The following STRN4 variants were observed in gnomAD, a reference collection of about 807,000 sequenced individuals.
STRN4 encodes striatin 4.
Under a neutral mutation model 77.9 loss-of-function variants are expected in STRN4, and 27 were observed. The ratio of observed to expected loss-of-function variants is 0.35; its 90% CI spans 0.26 to 0.48. The LOEUF (loss-of-function observed/expected upper bound fraction) is 0.48, where lower values mean the gene tolerates loss of function less well. Ranked by LOEUF, STRN4 falls within the 20% of genes least tolerant of loss-of-function variation. The pLI, the probability that STRN4 is intolerant of heterozygous loss-of-function variation, is 0.99. For missense variants in STRN4, 798 were observed against 1,049.7 expected (o/e 0.76, Z 3.31); for synonymous variants, 466 against 443.1 (o/e 1.05, Z -0.65).
In STRN4 at chr19:46,728,765, C is replaced by G; in HGVS notation, c.892G>C (p.Ala298Pro). The G allele has an allele frequency of 6.2e-7, 1 of 1,614,146 alleles. No homozygotes were observed. The highest frequency in any genetic ancestry group is 8.5e-7 in the Non-Finnish European group (1 of 1,179,972). The change falls in exon 7 of 18, where the codon GCT (alanine) becomes CCT (proline). Residue 298 changes from alanine (A) to proline (P), a missense_variant. This residue lies in a region of STRN4 where 511 missense variants were observed against 575.9 expected (regional missense o/e 0.89). Transcript: ENST00000263280. ...TCGTCTTCCATTTCGGGCACCAGAG[C>G]CTTGGATGGGAGCTGGCACATGGAG... ...KKQRVKLPSK[A>P]LVPEMEDEDE...
At chr19:46,735,691 G>A (rs576519439) in intron 4 of STRN4, among the ~76,000 whole-genome samples, 6 of 152,298 alleles carry the variant, frequency 3.9e-5, no homozygotes, top group East Asian at 1.9e-4. Context: ...GAGGCTGGGC[G>A]CGGTGGCTCA....
intron 1 of STRN4, chr19:46,745,844 A>G (rs1713070678): frequency 7.2e-6 from 2 of 278,356 alleles, no homozygotes; most frequent in South Asian, 1.5e-4. Flanking sequence ...TCCCAGTCCC[A>G]GTCCCACTCC....
Position 46,733,151 on chromosome 19 carries a change from G to T in STRN4, c.625C>A (p.Leu209Ile). ...VRSLLGRSLE[L>I]NGAVEPSEGA... ...TCACTCGGCTCCACTGCCCCGTTGA[G>T]CTCCAGCGAGCGGCCCAGCAGGGAA... Residue 209 changes from leucine to isoleucine, a missense_variant, in exon 5 of 18, where the codon CTC (leucine) becomes ATC (isoleucine). By Grantham distance (5) the Leu-to-Ile change is conservative (BLOSUM62 2). Transcript: ENST00000263280. This position sits in a 1 kb window ranked among gnomAD's most constrained non-coding sequence, Gnocchi z 4.3. 1 of 1,612,094 alleles carries T rather than the reference G, an allele frequency of 6.2e-7. No homozygotes were observed.
chr19:46,738,717 T>C lies in STRN4; in HGVS notation c.386+68A>G. 6.9e-7 allele frequency: 1 copy of C among 1,458,516 alleles called. No homozygotes were observed. The highest frequency in any genetic ancestry group is 9.6e-7 in the Non-Finnish European group (1 of 1,040,176). 90.3% of individuals were successfully genotyped at this position (1,458,516 alleles called of 1,614,324 possible). On this transcript the variant is annotated intron_variant, in intron 2 of 17. Coordinates refer to ENST00000263280, the MANE Select transcript of STRN4 (RefSeq NM_013403.3). The surrounding 1 kb of genome is among the most constrained non-coding windows in gnomAD (Gnocchi z 4.5). ...TCCCTTAGCTGGAAGGAGGCGTGGC[T>C]GGTGGCCTCCTGACACTGTGCTTGA...
chr19:46,724,884 CAGTATT>C lies in STRN4; in HGVS notation c.1511_1516del (p.Glu504_Cys506delinsGly). On this transcript the variant is annotated inframe_deletion, in exon 12 of 18. Coordinates refer to ENST00000263280, the MANE Select transcript of STRN4 (RefSeq NM_013403.3). The stretch of plus-strand genomic sequence containing the variant: ...GCAGGCATCTGCCCCGCCACTGTAG[CAGTATT>C]CACTGTTGCTGCCCATAGCCACAGC... 6.2e-7 allele frequency: 1 copy of C among 1,614,094 alleles called. No individual in the cohort carries two copies. The highest frequency in any genetic ancestry group is 8.5e-7 in the Non-Finnish European group (1 of 1,180,042).
chr19:46,733,010 A>G lies in STRN4; in HGVS notation c.737+29T>C. 1 of 1,590,030 alleles carries G rather than the reference A, an allele frequency of 6.3e-7. No individual in the cohort carries two copies. Among genetic ancestry groups the G allele is most frequent in the Non-Finnish European group, 8.6e-7 (1 of 1,162,960 alleles). On this transcript the variant is annotated intron_variant, in intron 5 of 17. Coordinates refer to ENST00000263280, the MANE Select transcript of STRN4 (RefSeq NM_013403.3). The surrounding 1 kb of genome is among the most constrained non-coding windows in gnomAD (Gnocchi z 4.3). ...TCACCAGCAGTCAGGAGGAACAGAG[A>G]GACACACCTGCCATGTCCACGGGCT...
At chr19:46,742,552 CT>C (rs373677362) in intron 1 of STRN4, among the ~76,000 whole-genome samples, 1 of 152,088 alleles carries the variant, frequency 6.6e-6, no homozygotes. Context: ...GAGTCATTCA[CT>C]GTTTCTTTTT....
chr19:46,724,239 CTCTT>C, intron 12 of STRN4, among the ~76,000 whole-genome samples: 1 of 90,358 alleles, frequency 1.1e-5, no homozygotes, highest in South Asian at 3.4e-4. Context: ...CAGAGTGAGA[CTCTT>C]TGTCTCAAAA....
Position 46,741,333 on chromosome 19 carries a change from C to T in STRN4, c.283-2445G>A, listed in dbSNP as rs1361181214. ...CACTGGCTGGGTTCCCCCTTCATCC[C>T]TCTGCTGCCTCATCGAGCTGTGGTC... On this transcript the variant is annotated intron_variant, in intron 1 of 17. Coordinates refer to ENST00000263280, the MANE Select transcript of STRN4 (RefSeq NM_013403.3). This position sits in a 1 kb window ranked among gnomAD's most constrained non-coding sequence, Gnocchi z 4.9. 6.6e-6 allele frequency among the ~76,000 whole-genome samples: 1 copy of T among 152,222 alleles called. No individual in the cohort carries two copies. The highest frequency in any genetic ancestry group is 1.5e-5 in the Non-Finnish European group (1 of 68,028).
chr19:46,723,638 G>A lies in STRN4; in HGVS notation c.1595-354C>T, dbSNP rs753706335. 3.9e-5 allele frequency among the ~76,000 whole-genome samples: 6 copies of A among 152,200 alleles called. No individual in the cohort carries two copies. The highest frequency in any genetic ancestry group is 8.8e-5 in the Non-Finnish European group (6 of 68,034). ...TCTGTGGCCCCAGGAGCGGCACGCA[G>A]CCTGTGCTGGACAAGGGTTGGTCCC... is the stretch of plus-strand genomic sequence containing the variant. On this transcript the variant is annotated intron_variant, in intron 12 of 17. Coordinates refer to ENST00000263280, the MANE Select transcript of STRN4 (RefSeq NM_013403.3). The surrounding 1 kb of genome is among the most constrained non-coding windows in gnomAD (Gnocchi z 5.5).
At chr19:46,739,185 G>A (rs1400718658) in intron 1 of STRN4, 3 of 416,480 alleles carry the variant, frequency 7.2e-6, no homozygotes, top group Non-Finnish European at 1.4e-5. Flanking sequence ...CCTTTGGGGG[G>A]AAGTCGGGTC....
In STRN4 at chr19:46,738,710, G is replaced by A. The variant is rs2122369233; in HGVS notation, c.386+75C>T. The A allele has an allele frequency of 7.3e-7, 1 of 1,368,520 alleles. No homozygotes were observed. Among genetic ancestry groups the A allele is most frequent in the East Asian group, 2.3e-5 (1 of 43,664 alleles). The allele number at this position is 1,368,520 out of a possible 1,614,324, so 84.8% of individuals were successfully genotyped here. ...CCAAATCTCCCTTAGCTGGAAGGAG[G>A]CGTGGCTGGTGGCCTCCTGACACTG... is the stretch of plus-strand genomic sequence containing the variant. On this transcript the variant is annotated intron_variant, in intron 2 of 17. Coordinates refer to ENST00000263280, the MANE Select transcript of STRN4 (RefSeq NM_013403.3). This position sits in a 1 kb window ranked among gnomAD's most constrained non-coding sequence, Gnocchi z 4.5.
In STRN4 at chr19:46,730,798, G is replaced by A. The variant is rs773489794; in HGVS notation, c.813C>T (p.Cys271=). The A allele has an allele frequency of 7.4e-6, 12 of 1,612,888 alleles. No individual in the cohort carries two copies. Among genetic ancestry groups the A allele is most frequent in the Admixed American group, 6.7e-5 (4 of 60,030 alleles). ...CGTCCTCGTCGCTGTCTTCGTCCTCGCAGTTCTGCAGGAAGGGGATCTGCC... is the reference window on the plus strand; with the variant it reads ...CGTCCTCGTCGCTGTCTTCGTCCTCACAGTTCTGCAGGAAGGGGATCTGCC... ...VLGQIPFLQN[C]EDEDSDEDDE... is the part of the protein sequence containing the mutation. The change falls in exon 6 of 18, where the codon TGC becomes TGT. Residue 271 remains cysteine, a synonymous_variant. Coordinates refer to ENST00000263280, the MANE Select transcript of STRN4 (RefSeq NM_013403.3).
At chr19:46,728,859 C>CGGG in intron 6 of STRN4, 82 bp from the exon 7 acceptor site, 1 of 1,559,982 alleles carries the variant, frequency 6.4e-7, no homozygotes, top group South Asian at 1.2e-5. Flanking sequence ...AACAGGTAAG[C>CGGG]CGGGGCTCTG....
chr19:46,727,664 G>A lies in STRN4; in HGVS notation c.1154-118C>T, dbSNP rs774012167. The A allele has an allele frequency of 3.7e-5, 32 of 858,282 alleles. No homozygotes were observed. The East Asian group carries it at 4.0e-4, about 11-fold the overall frequency. The allele number at this position is 858,282 out of a possible 1,614,324, so 53.2% of individuals were successfully genotyped here. On this transcript the variant is annotated intron_variant, in intron 8 of 17. Transcript: ENST00000263280. Reference sequence around the variant, plus strand: ...GAGATAAAGAGCAAGAGAGAGAGACGGGGAGAGGACAAGATGAAGAATCAC... The same window carrying A: ...GAGATAAAGAGCAAGAGAGAGAGACAGGGAGAGGACAAGATGAAGAATCAC...
chr19:46,736,725 T>A, intron 4 of STRN4, 98 bp downstream of exon 4: 1 of 1,234,784 alleles, frequency 8.1e-7, no homozygotes, highest in African/African-American at 1.5e-5. Context: ...TAGTTCAGCA[T>A]CCCCAGTGGG....
Position 46,723,303 on chromosome 19 carries a change from G to T in STRN4, c.1595-19C>A. On this transcript the variant is annotated intron_variant, in intron 12 of 17. Transcript: ENST00000263280. This position sits in a 1 kb window ranked among gnomAD's most constrained non-coding sequence, Gnocchi z 5.5. The stretch of plus-strand genomic sequence containing the variant: ...CTTGGGTCTGCACCCACCGCAGGGA[G>T]GAAATGGGCTGTGTCAGGGCTGCCA... 1.3e-6 allele frequency: 2 copies of T among 1,527,814 alleles called. No individual in the cohort carries two copies. Among genetic ancestry groups the T allele is most frequent in the Non-Finnish European group, 1.8e-6 (2 of 1,137,340 alleles). 94.6% of individuals were successfully genotyped at this position (1,527,814 alleles called of 1,614,324 possible).
chr19:46,724,747 G>A (rs1173933569), intron 12 of STRN4, 60 bp downstream of exon 12: 17 of 1,611,646 alleles, frequency 1.1e-5, no homozygotes, highest in East Asian at 2.2e-5. Flanking sequence ...GTGTGTGTGC[G>A]TGGAGGGGAC....
chr19:46,721,016 CA>C (rs1180600712), intron 16 of STRN4: 1 of 399,096 alleles, frequency 2.5e-6, no homozygotes. Context: ...CCCAGGGCGG[CA>C]GGGGCAGTGA....
Sources: gnomAD v4.1 joint callset for allele counts (sites outside exome capture counted in the v4.1 genomes callset) on GRCh38, gnomAD v4.1.1 for gene constraint, gnomAD v4.1.1 regional missense constraint, Gnocchi (gnomAD v3.1) non-coding constraint, MANE v1.5 for transcripts, NCBI Gene and HGNC (gene_info 2026-07-23, HGNC 2026-07-21) for gene names.